Variants in ACTR3C observed in about 807,000 individuals in gnomAD.
ACTR3C encodes actin-related protein 3C.
Under a neutral mutation model 26.3 loss-of-function variants are expected in ACTR3C, and 18 were observed. The ratio of observed to expected loss-of-function variants is 0.68; its 90% CI spans 0.47 to 1.01. The LOEUF (loss-of-function observed/expected upper bound fraction) is 1.01. Among genes scored for constraint, ACTR3C ranks in the 50% least tolerant of loss-of-function variants. The probability of loss-of-function intolerance (pLI) is 0.00; values close to 1 mark genes in which losing one functional copy is unlikely to be tolerated. For synonymous variants in ACTR3C, 55 were observed against 94.5 expected (o/e 0.58, Z 2.42); for missense variants, 184 against 250.7 (o/e 0.73, Z 1.80).
chr7:150,036,723 G>C, the ACTR3C span, among the ~76,000 whole-genome samples: 17 of 137,294 alleles, frequency 1.2e-4, 1 homozygote, highest in African/African-American at 3.8e-4. Flanking sequence ...CTGGAGCTGC[G>C]TTCGGACCCG....
chr7:150,292,845 G>A (rs1173438795), intron 3 of ACTR3C, among the ~76,000 whole-genome samples: 5 of 152,174 alleles, frequency 3.3e-5, no homozygotes, highest in Middle Eastern at 6.8e-3. Context: ...GCTTGAGCTG[G>A]TTGCCATTCA....
the ACTR3C span, among the ~76,000 whole-genome samples, chr7:150,193,970 T>TAA: frequency 6.9e-6 from 1 of 145,292 alleles, no homozygotes; most frequent in Non-Finnish European, 1.5e-5. Context: ...TATATATATA[T>TAA]AAAATACACA....
At chr7:149,928,012 AG>A in the ACTR3C span, among the ~76,000 whole-genome samples, 1 of 152,170 alleles carries the variant, frequency 6.6e-6, no homozygotes, top group Non-Finnish European at 1.5e-5. Flanking sequence ...TCTATTGGTG[AG>A]TCTGTAAGAC....
At chr7:150,044,061 G>T in the ACTR3C span, among the ~76,000 whole-genome samples, 4 of 152,098 alleles carry the variant, frequency 2.6e-5, no homozygotes, top group African/African-American at 9.7e-5. Flanking sequence ...AAATCCTGTT[G>T]TCATCACATT....
chr7:150,152,929 G>A, the ACTR3C span, among the ~76,000 whole-genome samples: 1 of 152,152 alleles, frequency 6.6e-6, no homozygotes, highest in Admixed American at 6.5e-5. Context: ...TTTGCGTAGA[G>A]GTGTTTGTAG....
the ACTR3C span, among the ~76,000 whole-genome samples, chr7:150,133,797 G>A: frequency 0.021 from 3,003 of 143,962 alleles, no homozygotes; most frequent in African/African-American, 0.084. Context: ...GAGTGCTGTG[G>A]CACCATCAGG....
At chr7:149,915,394 A>G in the ACTR3C span, among the ~76,000 whole-genome samples, 1 of 152,148 alleles carries the variant, frequency 6.6e-6, no homozygotes, top group Non-Finnish European at 1.5e-5. Flanking sequence ...AATACACTAC[A>G]TAACTACATG....
the ACTR3C span, among the ~76,000 whole-genome samples, chr7:150,082,354 C>G: frequency 3.8e-3 from 579 of 152,250 alleles, 36 homozygotes; most frequent in East Asian, 0.1. Context: ...CCATTTTTCA[C>G]CCCCTTATTG....
At chr7:149,907,473 TTCTCTTC>T in the ACTR3C span, among the ~76,000 whole-genome samples, 1,015 of 109,900 alleles carry the variant, frequency 9.2e-3, 18 homozygotes, top group African/African-American at 0.031. Flanking sequence ...CTTGCCTCTC[TTCTCTTC>T]TCTCTCTCTC....
chr7:150,279,195 C>G (rs983210504), intron 6 of ACTR3C, among the ~76,000 whole-genome samples: 2 of 152,100 alleles, frequency 1.3e-5, no homozygotes, highest in African/African-American at 2.4e-5. Context: ...GTTCCAGCTA[C>G]TTGAGGGGCT....
chr7:150,029,397 C>CCA, the ACTR3C span, among the ~76,000 whole-genome samples: 4 of 35,414 alleles, frequency 1.1e-4, no homozygotes, highest in Non-Finnish European at 1.7e-4. Context: ...CAATCTTTAT[C>CCA]AAAAACAAAA....
chr7:150,264,909 C>A, intron 6 of ACTR3C: 17 of 959,688 alleles, frequency 1.8e-5, no homozygotes, highest in Non-Finnish European at 2.1e-5. Context: ...CAAAAGAGGA[C>A]TTAACAAATA....
chr7:150,236,352 G>A, the ACTR3C span, among the ~76,000 whole-genome samples: 1 of 152,118 alleles, frequency 6.6e-6, no homozygotes, highest in Non-Finnish European at 1.5e-5. Context: ...TTCAATAGAG[G>A]TGATGTTTCT....
chr7:150,149,488 T>TC, the ACTR3C span, among the ~76,000 whole-genome samples: 1 of 41,318 alleles, frequency 2.4e-5, no homozygotes, highest in African/African-American at 9.9e-5. Context: ...ATGCTATCCC[T>TC]CCCCCCTCCC....
the ACTR3C span, among the ~76,000 whole-genome samples, chr7:150,216,656 C>T: frequency 6.6e-6 from 1 of 152,028 alleles, no homozygotes; most frequent in Non-Finnish European, 1.5e-5. Context: ...GGACCTGCTC[C>T]TGAGGAGCTG....
the ACTR3C span, among the ~76,000 whole-genome samples, chr7:150,193,868 GC>G: frequency 1.3e-5 from 2 of 151,342 alleles, no homozygotes; most frequent in Non-Finnish European, 2.9e-5. Flanking sequence ...AGATGTTCTT[GC>G]ATACTAACTT....
the ACTR3C span, among the ~76,000 whole-genome samples, chr7:150,103,409 C>T: frequency 2.0e-5 from 3 of 152,006 alleles, no homozygotes; most frequent in Non-Finnish European, 4.4e-5. Context: ...CAGAAGGAAG[C>T]TCAATCCCAA....
At chr7:150,163,996 C>T in the ACTR3C span, among the ~76,000 whole-genome samples, 1 of 152,266 alleles carries the variant, frequency 6.6e-6, no homozygotes, top group African/African-American at 2.4e-5. Flanking sequence ...AGTTAACCAT[C>T]ACTGTTTGCG....
At chr7:149,968,205 A>G in the ACTR3C span, among the ~76,000 whole-genome samples, 6 of 152,222 alleles carry the variant, frequency 3.9e-5, no homozygotes, top group South Asian at 2.1e-4. Context: ...CTGTCAGATG[A>G]GACAACTTAC....
Sources: allele counts gnomAD v4.1 joint callset (sites outside exome capture counted in the v4.1 genomes callset), GRCh38; gene constraint gnomAD v4.1.1; transcripts MANE v1.5; gene names NCBI Gene and HGNC (gene_info 2026-07-23, HGNC 2026-07-21).